PAK3: variants seen among roughly 807,000 people sequenced by gnomAD.
PAK3 encodes serine/threonine-protein kinase PAK 3.
Under a neutral mutation model 41.0 loss-of-function variants are expected in PAK3, and 4 were observed. That is an observed-to-expected ratio of 0.10 (90% CI 0.05 to 0.22). PAK3 has a LOEUF of 0.22. Among genes scored for constraint, PAK3 ranks in the 10% least tolerant of loss-of-function variants. The pLI, the probability that PAK3 is intolerant of heterozygous loss-of-function variation, is 1.00. For synonymous variants in PAK3, 146 were observed against 139.6 expected, an observed-to-expected ratio of 1.05 and a Z score of -0.32; for missense variants, 205 against 409.9, an observed-to-expected ratio of 0.50 and a Z score of 4.32.
chrX:111,210,510 T>A (rs911317920), intron 16 of PAK3, among the ~76,000 whole-genome samples: 2 of 111,940 alleles, frequency 1.8e-5, no homozygotes, highest in Non-Finnish European at 3.8e-5. Context: ...AAAGGTGCTA[T>A]TTTTCATTTT....
intron 1 of PAK3, among the ~76,000 whole-genome samples, chrX:110,984,212 T>G (rs1225658420): frequency 2.7e-5 from 3 of 111,951 alleles, no homozygotes; most frequent in Non-Finnish European, 5.6e-5. Flanking sequence ...TGCAGATGGG[T>G]GCAGACATTC....
intron 1 of PAK3, among the ~76,000 whole-genome samples, chrX:111,021,674 G>A (rs917966962): frequency 9.0e-6 from 1 of 111,082 alleles, no homozygotes; most frequent in Non-Finnish European, 1.9e-5. Context: ...AAACCAAGAT[G>A]AAATCTCTGC....
chrX:111,014,179 C>A (rs1359720766), intron 1 of PAK3, among the ~76,000 whole-genome samples: 1 of 112,047 alleles, frequency 8.9e-6, no homozygotes, highest in East Asian at 2.8e-4. Context: ...ATGCTACTGG[C>A]AAAATTATAT....
chrX:111,141,955 T>C, intron 5 of PAK3, 141 bp from the exon 6 acceptor site: 1 of 497,494 alleles, frequency 2.0e-6, no homozygotes, highest in Non-Finnish European at 3.6e-6. Flanking sequence ...ATAATTGGAA[T>C]TTCTGGAGTT....
chrX:111,002,290 A>C (rs921676405), intron 1 of PAK3, among the ~76,000 whole-genome samples: 1 of 112,113 alleles, frequency 8.9e-6, no homozygotes, highest in African/African-American at 3.2e-5. Context: ...AGAGATGTTA[A>C]ATAACTTACC....
intron 1 of PAK3, among the ~76,000 whole-genome samples, chrX:110,982,705 G>T (rs753033195): frequency 1.0e-3 from 114 of 111,389 alleles, no homozygotes; most frequent in Non-Finnish European, 2.0e-3. Flanking sequence ...TACTGAAAAG[G>T]GTGAACTTTT....
chrX:111,216,707 T>C, intron 17 of PAK3, 149 bp downstream of exon 17: 1 of 530,326 alleles, frequency 1.9e-6, no homozygotes, highest in Non-Finnish European at 3.2e-6. Flanking sequence ...TAGGCACGCA[T>C]CTAATACATG....
intron 14 of PAK3, 48 bp from the exon 15 acceptor site, chrX:111,195,794 T>C (rs773424963): frequency 1.3e-6 from 1 of 799,180 alleles, no homozygotes; most frequent in East Asian, 3.2e-5. Flanking sequence ...AACTTAGTAT[T>C]AAAAATTATT....
At chrX:111,193,390 C>T (rs1350584484) in intron 13 of PAK3, among the ~76,000 whole-genome samples, 1 of 102,611 alleles carries the variant, frequency 9.7e-6, no homozygotes, top group Non-Finnish European at 2.0e-5. Flanking sequence ...TGCTCTGTCG[C>T]CCAGGCTAGA....
intron 8 of PAK3, among the ~76,000 whole-genome samples, chrX:111,156,704 C>T (rs150655554): frequency 0.15 from 16,965 of 110,842 alleles, 2,745 homozygotes; most frequent in African/African-American, 0.49. Flanking sequence ...AGCAATGTTG[C>T]ATTCTCTAAG....
At position 111,019,473 on chromosome X, in the gene PAK3, G is replaced by A. The variant is rs185923109; in HGVS notation, c.-28+74845G>A. The stretch of plus-strand genomic sequence containing the variant: ...CTTTGTGAGGCCAAAGCAGGAAGAC[G>A]GCTTGAGCCCAGTAGTTTGAGACCA... On this transcript the variant is annotated intron_variant, in intron 1 of 14. Transcript: ENST00000425146. Among the ~76,000 whole-genome samples the A allele has an allele frequency of 2.6e-4, 27 of 104,832 alleles. No homozygotes were observed. In the East Asian group the frequency reaches 7.3e-3, roughly 28 times the overall value. 91.0% of individuals were successfully genotyped at this position (104,832 alleles called of 115,157 possible). A position where few individuals can be genotyped will look rare whatever the true frequency, so the allele number is the denominator to read the frequency against.
chrX:111,204,216 G>T (rs1254567315), intron 16 of PAK3, among the ~76,000 whole-genome samples: 2 of 111,573 alleles, frequency 1.8e-5, no homozygotes, highest in African/African-American at 6.5e-5. Context: ...GAAGCAGACA[G>T]CTCAAACTGG....
intron 1 of PAK3, among the ~76,000 whole-genome samples, chrX:111,031,041 C>G (rs191278452): frequency 8.9e-6 from 1 of 111,866 alleles, no homozygotes; most frequent in Non-Finnish European, 1.9e-5. Flanking sequence ...GTGGTCAAAG[C>G]CAGTTGTTTG....
At chrX:110,976,614 T>A (rs189855414) in intron 1 of PAK3, among the ~76,000 whole-genome samples, 76 of 111,994 alleles carry the variant, frequency 6.8e-4, no homozygotes, top group African/African-American at 2.4e-3. Context: ...ACTGGGTATA[T>A]ACCCAAAGGA....
intron 1 of PAK3, among the ~76,000 whole-genome samples, chrX:110,958,071 G>A (rs973518772): frequency 6.3e-5 from 7 of 111,919 alleles, no homozygotes; most frequent in Non-Finnish European, 1.3e-4. Context: ...TAGGGGAAAT[G>A]ACACCTAAGC....
At chrX:110,977,345 T>C (rs952570572) in intron 1 of PAK3, among the ~76,000 whole-genome samples, 2 of 111,119 alleles carry the variant, frequency 1.8e-5, no homozygotes, top group Non-Finnish European at 3.8e-5. Context: ...GTTGTTCTTT[T>C]CCAAGATTGT....
At chrX:111,196,400 G>A (rs1348318241) in intron 15 of PAK3, 44 bp from the exon 16 acceptor site, 10 of 1,043,716 alleles carry the variant, frequency 9.6e-6, no homozygotes, top group Non-Finnish European at 1.2e-5. Context: ...ATTGTAAAAG[G>A]AAAATAATTT....
chrX:111,152,401 A>G lies in PAK3; in HGVS notation c.431-9A>G. Reference sequence around the variant, plus strand: ...AAACAAAAATGACCTCTCTATTCTCACTTTGCAGATAAAAGTGCACATGGA... The same window carrying G: ...AAACAAAAATGACCTCTCTATTCTCGCTTTGCAGATAAAAGTGCACATGGA... On this transcript the variant is annotated splice_polypyrimidine_tract_variant and intron_variant, in intron 7 of 17. Transcript: ENST00000372007. 8.7e-7 allele frequency: 1 copy of G among 1,155,698 alleles called. No individual in the cohort carries two copies. Among genetic ancestry groups the G allele is most frequent in the Non-Finnish European group, 1.2e-6 (1 of 845,472 alleles).
chrX:111,216,936 G>A (rs2094886207), intron 17 of PAK3: 2 of 750,354 alleles, frequency 2.7e-6, no homozygotes, highest in African/African-American at 2.3e-5. Context: ...TTATTTCCAT[G>A]GCATTTGCTA....
Sources: gnomAD v4.1 joint callset for allele counts (sites outside exome capture counted in the v4.1 genomes callset) on GRCh38, gnomAD v4.1.1 for gene constraint, MANE v1.5 for transcripts, NCBI Gene and HGNC (gene_info 2026-07-23, HGNC 2026-07-21) for gene names.